POLR3A: variants seen among roughly 807,000 people sequenced by gnomAD.
POLR3A encodes the protein RNA polymerase III subunit A, also known as DNA-directed RNA polymerase III subunit RPC1.
In POLR3A, 112 loss-of-function variants were observed where a neutral mutation model predicts 152.8. That is an observed-to-expected ratio of 0.73 (90% CI 0.63 to 0.86). The LOEUF is 0.86. Among genes scored for constraint, POLR3A ranks in the 40% least tolerant of loss-of-function variants. The pLI, the probability that POLR3A is intolerant of heterozygous loss-of-function variation, is 0.00. For synonymous variants in POLR3A, 615 were observed against 652.1 expected (o/e 0.94, Z 0.87); for missense variants, 1,385 against 1,743.1 (o/e 0.79, Z 3.66).
chr10:78,014,900 T>C (rs1847504567), intron 10 of POLR3A, among the ~76,000 whole-genome samples: 1 of 152,140 alleles, frequency 6.6e-6, no homozygotes, highest in Non-Finnish European at 1.5e-5. Flanking sequence ...TTGTAGGTAA[T>C]AAATGTTAAA....
intron 14 of POLR3A, 149 bp from the exon 15 acceptor site, chr10:78,008,015 G>GA: frequency 8.8e-6 from 3 of 340,622 alleles, no homozygotes; most frequent in South Asian, 7.9e-5. Context: ...TTTTTGGGGG[G>GA]AGGGAGGGGG....
Position 78,004,775 on chromosome 10 carries a change from C to A in POLR3A, c.2188G>T (p.Ala730Ser). The change falls in exon 16 of 31, where the codon GCC becomes TCC. Residue 730 changes from alanine (A) to serine (S), a missense_variant. By Grantham distance (99) the Ala-to-Ser change is moderately conservative. Around this residue, in one of 7 missense-constraint regions of POLR3A, gnomAD observed 170 missense variants for 231.2 expected, o/e 0.74. Coordinates refer to ENST00000372371, the MANE Select transcript of POLR3A (RefSeq NM_007055.4). ...GYKKCDEYIEALNTGKLQQQP... is the reference protein window; with the variant it reads ...GYKKCDEYIESLNTGKLQQQP... Reference sequence around the variant, plus strand: ...TGCTGCAGCTTGCCCGTGTTCAGGGCTTCGATGTACTCATCACATTTCTTG... The same window carrying A: ...TGCTGCAGCTTGCCCGTGTTCAGGGATTCGATGTACTCATCACATTTCTTG... 1.2e-6 allele frequency: 2 copies of A among 1,614,012 alleles called. No homozygotes were observed.
chr10:78,024,461 G>A, intron 5 of POLR3A, 88 bp downstream of exon 5: 3 of 1,377,258 alleles, frequency 2.2e-6, no homozygotes, highest in East Asian at 2.4e-5. Flanking sequence ...TAGGGGTGGG[G>A]CGGAGTTGGG....
chr10:78,014,670 T>C (rs1480621105), intron 10 of POLR3A, among the ~76,000 whole-genome samples: 1 of 152,072 alleles, frequency 6.6e-6, no homozygotes, highest in African/African-American at 2.4e-5. Flanking sequence ...CCCAAAGTGC[T>C]GGCATTACAG....
chr10:78,019,267 T>C lies in POLR3A; in HGVS notation c.1186-2A>G, dbSNP rs765513178. 2 of 1,606,338 alleles carry C rather than the reference T, an allele frequency of 1.2e-6. No individual in the cohort carries two copies. Among genetic ancestry groups the C allele is most frequent in the East Asian group, 4.5e-5 (2 of 44,840 alleles). On this transcript the variant is annotated splice_acceptor_variant, in intron 8 of 30. Coordinates refer to ENST00000372371, the MANE Select transcript of POLR3A (RefSeq NM_007055.4). LOFTEE classifies it high-confidence loss of function. ...GAAATTGATGTTTGCTTTGTTTACCTGCAGTACAAAAAAACCACAATAAGT... is the reference window on the plus strand; with the variant it reads ...GAAATTGATGTTTGCTTTGTTTACCCGCAGTACAAAAAAACCACAATAAGT...
Position 78,017,643 on chromosome 10 carries a change from T to C in POLR3A, c.1363A>G (p.Ile455Val), listed in dbSNP as rs1459581466. ...KYGDIVERHL[I>V]DGDVVLFNRQ... ...TTGAACAGCACCACATCTCCATCGA[T>C]GAGGTGTCTCTCTACGATGTCACCA... Residue 455 changes from isoleucine (I) to valine (V), a missense_variant, in exon 10 of 31, where the codon ATC becomes GTC. This residue lies in a region of POLR3A where 493 missense variants were observed against 647.5 expected (regional missense o/e 0.76). Transcript: ENST00000372371. 3 of 1,612,510 alleles carry C rather than the reference T, an allele frequency of 1.9e-6. No individual in the cohort carries two copies. The highest frequency in any genetic ancestry group is 1.3e-5 in the African/African-American group (1 of 74,888).
intron 7 of POLR3A, 57 bp downstream of exon 7, chr10:78,021,803 C>T: frequency 6.2e-7 from 1 of 1,611,652 alleles, no homozygotes; most frequent in Non-Finnish European, 8.5e-7. Context: ...ACAGACACTC[C>T]TGAAAAAGGA....
rs887961786 is a variant in POLR3A at position 77,975,151 on chromosome 10, A to C, written c.*2327T>G. 1 of 152,236 alleles carries C rather than the reference A, an allele frequency of 6.6e-6. No individual in the cohort carries two copies. The highest frequency in any genetic ancestry group is 2.4e-5 in the African/African-American group (1 of 41,452). The allele number at this position is 152,236 out of a possible 1,614,324, so 9.4% of individuals were successfully genotyped here. Reference sequence around the variant, plus strand: ...AAGAATTTGTAACTATTCATGGATGAGATGGAATTCACACGTATTTTTATT... The same window carrying C: ...AAGAATTTGTAACTATTCATGGATGCGATGGAATTCACACGTATTTTTATT... On this transcript the variant is annotated 3_prime_UTR_variant, in exon 31 of 31. Transcript: ENST00000372371.
At position 78,021,788 on chromosome 10, in the gene POLR3A, G is replaced by A. The variant is rs562577948; in HGVS notation, c.1048+72C>T. ...AAGCCTGTGACCTCCAATCAGAGAA[G>A]CTGGACAGACACTCCTGAAAAAGGA... On this transcript the variant is annotated intron_variant, in intron 7 of 30. Coordinates refer to ENST00000372371, the MANE Select transcript of POLR3A (RefSeq NM_007055.4). 96 of 1,609,184 alleles carry A rather than the reference G, an allele frequency of 6.0e-5. No individual in the cohort carries two copies. The African/African-American group carries it at 1.2e-3, about 20-fold the overall frequency.
At chr10:77,992,438 C>CTTTTTTTTTTTT (rs71030926) in intron 20 of POLR3A, among the ~76,000 whole-genome samples, 2 of 76,540 alleles carry the variant, frequency 2.6e-5, no homozygotes, top group Non-Finnish European at 4.8e-5. Flanking sequence ...CTGGCTAATT[C>CTTTTTTTTTTTT]TTTTTTTTTT....
intron 18 of POLR3A, 131 bp downstream of exon 18, chr10:78,000,845 G>A: frequency 1.0e-5 from 7 of 667,036 alleles, no homozygotes; most frequent in South Asian, 9.8e-5. Flanking sequence ...TTAATAAAAT[G>A]GCAAAAAATA....
chr10:78,007,923 A>G, intron 14 of POLR3A, 57 bp from the exon 15 acceptor site: 1 of 1,489,956 alleles, frequency 6.7e-7, no homozygotes, highest in Non-Finnish European at 9.3e-7. Context: ...CCTTATTCCA[A>G]AATGAATTTG....
intron 8 of POLR3A, among the ~76,000 whole-genome samples, chr10:78,021,111 C>A (rs1344886035): frequency 6.6e-6 from 1 of 152,082 alleles, no homozygotes; most frequent in African/African-American, 2.4e-5. Flanking sequence ...ACCACAGGCG[C>A]CTGCCACCAC....
Position 78,010,469 on chromosome 10 carries a change from A to C in POLR3A, c.1642+2T>G. 6.2e-7 allele frequency: 1 copy of C among 1,609,636 alleles called. No individual in the cohort carries two copies. On this transcript the variant is annotated splice_donor_variant, in intron 12 of 30. Coordinates refer to ENST00000372371, the MANE Select transcript of POLR3A (RefSeq NM_007055.4). LOFTEE classifies it high-confidence loss of function. ...CCTTTCAAGTGAACTTCACCAACCT[A>C]CCTGTTAGAAAATCCTGAATAGCAG...
At chr10:78,017,477 A>T in intron 10 of POLR3A, 98 bp downstream of exon 10, 1 of 1,239,496 alleles carries the variant, frequency 8.1e-7, no homozygotes. Flanking sequence ...AAAACTTGAG[A>T]TAACAGGCAA....
Position 77,985,304 on chromosome 10 carries a change from C to T in POLR3A, c.3108G>A (p.Leu1036=). 6.2e-7 allele frequency: 1 copy of T among 1,614,196 alleles called. No homozygotes were observed. Among genetic ancestry groups the T allele is most frequent in the Non-Finnish European group, 8.5e-7 (1 of 1,179,996 alleles). ...QMEPGSAVGA[L]CAQSIGEPGT... is the part of the protein sequence containing the mutation. ...CTGGCTCACCAATGCTCTGGGCACA[C>T]AGAGCACCCACTGCAGAACCTGGCT... is the stretch of plus-strand genomic sequence containing the variant. The change falls in exon 24 of 31, where the codon CTG becomes CTA. Residue 1036 remains leucine, a synonymous_variant. Transcript: ENST00000372371.
intron 15 of POLR3A, among the ~76,000 whole-genome samples, chr10:78,005,282 A>T (rs754783539): frequency 2.6e-4 from 39 of 152,314 alleles, no homozygotes; most frequent in Non-Finnish European, 3.7e-4. Flanking sequence ...GGCTCGCTTG[A>T]TCCCAGATGT....
intron 19 of POLR3A, among the ~76,000 whole-genome samples, chr10:77,996,750 C>G (rs1158398319): frequency 6.6e-6 from 1 of 152,156 alleles, no homozygotes; most frequent in Non-Finnish European, 1.5e-5. Flanking sequence ...GGAGCTGGTA[C>G]CATTCCTTCT....
chr10:78,027,057 A>G (rs1847642167), intron 1 of POLR3A, among the ~76,000 whole-genome samples: 1 of 152,228 alleles, frequency 6.6e-6, no homozygotes, highest in Admixed American at 6.5e-5. Context: ...GACAGACCAC[A>G]AACAAACGAA....
Sources: gnomAD v4.1 joint callset for allele counts (sites outside exome capture counted in the v4.1 genomes callset) on GRCh38, gnomAD v4.1.1 for gene constraint, gnomAD v4.1.1 regional missense constraint, MANE v1.5 for transcripts, NCBI Gene and HGNC (gene_info 2026-07-23, HGNC 2026-07-21) for gene names.